MACO1: variants seen among roughly 807,000 people sequenced by gnomAD.
MACO1 encodes the protein macoilin.
Under a neutral mutation model 78.7 loss-of-function variants are expected in MACO1, and 14 were observed. The observed-to-expected ratio is 0.18, with a 90% CI of 0.12 to 0.28. MACO1 has a LOEUF of 0.28. Among genes scored for constraint, MACO1 ranks in the 10% least tolerant of loss-of-function variants. MACO1 has a pLI of 1.00. For missense variants in MACO1, 501 were observed against 799.0 expected (o/e 0.63, Z 4.50); for synonymous variants, 288 against 291.6 (o/e 0.99, Z 0.12).
Position 25,485,845 on chromosome 1 carries a change from C to A in MACO1, c.1496+50C>A, listed in dbSNP as rs767211882. 6 of 1,558,748 alleles carry A rather than the reference C, an allele frequency of 3.8e-6. No individual in the cohort carries two copies. The South Asian group carries it at 7.3e-5, about 19-fold the overall frequency. ...TAATCCAAGGTTGGCTTTCCTTTAC[C>A]AACAAAGACATGGGAATTTGGTGCC... On this transcript the variant is annotated intron_variant, in intron 8 of 10. Coordinates refer to ENST00000374343, the MANE Select transcript of MACO1 (RefSeq NM_018202.6). The surrounding 1 kb of genome is among the most constrained non-coding windows in gnomAD (Gnocchi z 4.3).
chr1:25,488,350 C>G (rs930478693), intron 8 of MACO1, among the ~76,000 whole-genome samples: 36 of 152,148 alleles, frequency 2.4e-4, no homozygotes, highest in Non-Finnish European at 4.1e-4. Context: ...ATGCCCAGCC[C>G]AGTTATTTTA....
Position 25,489,169 on chromosome 1 carries a change from A to T in MACO1, c.1497-4A>T. On this transcript the variant is annotated splice_region_variant and splice_polypyrimidine_tract_variant and intron_variant, in intron 8 of 10. Coordinates refer to ENST00000374343, the MANE Select transcript of MACO1 (RefSeq NM_018202.6). ...CTTTATTTCCTTCTCTTCTTTTTCA[A>T]AAGGGGAGAATGCACCGAAACCTTA... is the stretch of plus-strand genomic sequence containing the variant. 1 of 1,612,558 alleles carries T rather than the reference A, an allele frequency of 6.2e-7. No homozygotes were observed. Among genetic ancestry groups the T allele is most frequent in the South Asian group, 1.1e-5 (1 of 90,950 alleles).
rs539292098 is a variant in MACO1 at position 25,487,923 on chromosome 1, A to G, written c.1497-1250A>G. 6.6e-5 allele frequency among the ~76,000 whole-genome samples: 10 copies of G among 152,264 alleles called. No homozygotes were observed. The South Asian group carries it at 2.1e-3, about 32-fold the overall frequency. ...GTAACCTTGAACTAGTATTTTATCT[A>G]TGTAGCCTCAGTTTTCTTATCTGGA... is the stretch of plus-strand genomic sequence containing the variant. On this transcript the variant is annotated intron_variant, in intron 8 of 10. Transcript: ENST00000374343.
At chr1:25,481,720 TAG>T (rs1459094753) in intron 6 of MACO1, among the ~76,000 whole-genome samples, 1 of 152,222 alleles carries the variant, frequency 6.6e-6, no homozygotes, top group Non-Finnish European at 1.5e-5. Flanking sequence ...TGTAATTGTT[TAG>T]AGCAGTTCTG....
intron 1 of MACO1, among the ~76,000 whole-genome samples, chr1:25,441,202 T>G (rs534352046): frequency 6.6e-6 from 1 of 152,330 alleles, no homozygotes; most frequent in Admixed American, 6.5e-5. Context: ...AACATTTTTT[T>G]TTTTTGAGAC....
At chr1:25,447,351 GA>G (rs1315712641) in intron 2 of MACO1, among the ~76,000 whole-genome samples, 1 of 152,102 alleles carries the variant, frequency 6.6e-6, no homozygotes. Context: ...AAAAACTATT[GA>G]GGACTCCAGA....
Position 25,460,695 on chromosome 1 carries a change from C to A in MACO1, c.1154+1803C>A, listed in dbSNP as rs72887454. ...ATATTGATTGACTCTACTATCTGAT[C>A]TGCTTTTAGTAGAGAAGTTCAAGGA... On this transcript the variant is annotated intron_variant, in intron 6 of 10. Coordinates refer to ENST00000374343, the MANE Select transcript of MACO1 (RefSeq NM_018202.6). Among the ~76,000 whole-genome samples, 768 of 152,236 alleles carry A rather than the reference C, an allele frequency of 5.0e-3. 5 individuals are homozygous for A. The highest frequency in any genetic ancestry group is 0.018 in the African/African-American group (729 of 41,524).
intron 8 of MACO1, 44 bp from the exon 9 acceptor site, chr1:25,489,129 T>C (rs755874127): frequency 6.3e-7 from 1 of 1,593,838 alleles, no homozygotes; most frequent in East Asian, 2.3e-5. Flanking sequence ...CCCCAACCTA[T>C]AGTCTTTTAA....
chr1:25,448,308 C>CA (rs1158612257), intron 2 of MACO1, among the ~76,000 whole-genome samples: 3 of 151,970 alleles, frequency 2.0e-5, no homozygotes, highest in Non-Finnish European at 4.4e-5. Context: ...ACTAAAGTTA[C>CA]AAAAAATTAG....
intron 6 of MACO1, among the ~76,000 whole-genome samples, chr1:25,480,929 A>AAAAAATATATTTAT (rs1553166539): frequency 2.1e-5 from 1 of 47,938 alleles, no homozygotes; most frequent in Non-Finnish European, 3.4e-5. Context: ...AAAAAAAAAA[A>AAAAAATATATTTAT]ATATATATAT....
chr1:25,450,448 C>CA (rs2043055618), intron 3 of MACO1, among the ~76,000 whole-genome samples: 1 of 152,022 alleles, frequency 6.6e-6, no homozygotes, highest in Non-Finnish European at 1.5e-5. Flanking sequence ...GATTGGCTGT[C>CA]AGAGTCAAAT....
intron 6 of MACO1, among the ~76,000 whole-genome samples, chr1:25,467,426 A>G (rs1054226888): frequency 2.0e-5 from 3 of 152,140 alleles, no homozygotes; most frequent in African/African-American, 7.2e-5. Context: ...TCTTGTCGGC[A>G]ATTGTTACTT....
intron 6 of MACO1, among the ~76,000 whole-genome samples, chr1:25,483,553 T>C (rs1420808417): frequency 2.0e-5 from 3 of 152,236 alleles, no homozygotes; most frequent in Non-Finnish European, 4.4e-5. Context: ...TTCATTGTTA[T>C]TGAGTCTCGT....
intron 3 of MACO1, among the ~76,000 whole-genome samples, chr1:25,452,976 T>A (rs1005303140): frequency 6.6e-6 from 1 of 151,118 alleles, no homozygotes; most frequent in Admixed American, 6.6e-5. Context: ...ATTACAAGCA[T>A]GAGCCACCAC....
rs2043423096 is a variant in MACO1 at position 25,485,646 on chromosome 1, C to G, written c.1347C>G (p.Asp449Glu). ...ATGCTGTGCAAATGAAGCAAAAAGA[C>G]AAGCAGAATATCAGCCAGTTGGAGA... ...LHNAVQMKQK[D>E]KQNISQLEKK... Residue 449 changes from aspartate (D) to glutamate (E), a missense_variant, in exon 8 of 11, where the codon GAC (aspartate) becomes GAG (glutamate). Asp to Glu is a conservative substitution (Grantham distance 45). Around this residue, in one of 5 missense-constraint regions of MACO1, gnomAD observed 163 missense variants for 271.9 expected, o/e 0.60. Coordinates refer to ENST00000374343, the MANE Select transcript of MACO1 (RefSeq NM_018202.6). The surrounding 1 kb of genome is among the most constrained non-coding windows in gnomAD (Gnocchi z 4.3). 6 of 1,613,754 alleles carry G rather than the reference C, an allele frequency of 3.7e-6. No homozygotes were observed. Among genetic ancestry groups the G allele is most frequent in the Non-Finnish European group, 5.1e-6 (6 of 1,179,980 alleles).
chr1:25,432,233 G>A (rs2042881772), intron 1 of MACO1, among the ~76,000 whole-genome samples: 1 of 152,192 alleles, frequency 6.6e-6, no homozygotes, highest in Non-Finnish European at 1.5e-5. Context: ...AAATATGTGA[G>A]GTAGCTGATG....
Position 25,498,819 on chromosome 1 carries a change from GTTTT to G in MACO1, c.*354_*357del. 1 of 198,594 alleles carries G rather than the reference GTTTT, an allele frequency of 5.0e-6. No homozygotes were observed. Among genetic ancestry groups the G allele is most frequent in the African/African-American group, 2.3e-5 (1 of 43,116 alleles). 12.3% of individuals were successfully genotyped at this position (198,594 alleles called of 1,614,324 possible). ...TTTTGTTTTTCAACCCTTTATGTTT[GTTTT>G]GTTTTATTCTTAAATAAGCAAGCAA... On this transcript the variant is annotated 3_prime_UTR_variant, in exon 11 of 11. Transcript: ENST00000374343.
chr1:25,494,571 C>T (rs186353292), intron 10 of MACO1, among the ~76,000 whole-genome samples: 1 of 152,228 alleles, frequency 6.6e-6, no homozygotes, highest in East Asian at 1.9e-4. Flanking sequence ...GGAAATCTCC[C>T]TCCTATAGCA....
rs2043555562 is a variant in MACO1, at chr1:25,498,329, G to A, written c.1858G>A (p.Val620Ile). The part of the protein sequence containing the change: ...LKQKIAEVMA[V>I]MPSITYSAAT... Reference sequence around the variant, plus strand: ...ACAGAAGATAGCCGAAGTCATGGCCGTCATGCCCAGCATAACATACAGTGC... The same window carrying A: ...ACAGAAGATAGCCGAAGTCATGGCCATCATGCCCAGCATAACATACAGTGC... Residue 620 changes from valine (V) to isoleucine (I), a missense_variant, in exon 11 of 11, where the codon GTC becomes ATC. Physicochemically the swap from Val to Ile is conservative, Grantham distance 29 (BLOSUM62 3). Transcript: ENST00000374343. 1.2e-6 allele frequency: 2 copies of A among 1,614,132 alleles called. No homozygotes were observed. The highest frequency in any genetic ancestry group is 1.7e-6 in the Non-Finnish European group (2 of 1,180,022).
Sources: gnomAD v4.1 joint callset for allele counts (sites outside exome capture counted in the v4.1 genomes callset) on GRCh38, gnomAD v4.1.1 for gene constraint, gnomAD v4.1.1 regional missense constraint, Gnocchi (gnomAD v3.1) non-coding constraint, MANE v1.5 for transcripts, NCBI Gene and HGNC (gene_info 2026-07-23, HGNC 2026-07-21) for gene names.